PTPRT: variants seen among roughly 807,000 people sequenced by gnomAD.
The protein encoded by PTPRT is protein tyrosine phosphatase receptor type T.
Under a neutral mutation model 176.8 loss-of-function variants are expected in PTPRT, and 56 were observed. The ratio of observed to expected loss-of-function variants is 0.32; its 90% CI spans 0.26 to 0.40. PTPRT has a LOEUF of 0.40. Among genes scored for constraint, PTPRT ranks in the 10% least tolerant of loss-of-function variants. The probability of loss-of-function intolerance (pLI) is 1.00; values close to 1 mark genes in which losing one functional copy is unlikely to be tolerated. For missense variants in PTPRT, 1,540 were observed against 1,908.2 expected (o/e 0.81, Z 3.60); for synonymous variants, 783 against 739.0 (o/e 1.06, Z -0.96).
rs931117275 is a variant in PTPRT at position 42,077,930 on chromosome 20, G to GA, written c.*2948dup. On this transcript the variant is annotated 3_prime_UTR_variant, in exon 31 of 31. Coordinates refer to ENST00000373187, the MANE Select transcript of PTPRT (RefSeq NM_007050.6). ...CAGCTATTTCACCCCTTCCTGAGCA[G>GA]AAAAAAATCTTAGGATTTGTGTTAA... is the stretch of plus-strand genomic sequence containing the variant. 9.9e-6 allele frequency: 2 copies of GA among 201,304 alleles called. No individual in the cohort carries two copies. The highest frequency in any genetic ancestry group is 2.0e-5 in the Non-Finnish European group (2 of 98,010). The allele number at this position is 201,304 out of a possible 1,614,324, so 12.5% of individuals were successfully genotyped here.
intron 12 of PTPRT, among the ~76,000 whole-genome samples, chr20:42,309,194 AT>A (rs2145345281): frequency 6.6e-6 from 1 of 152,312 alleles, no homozygotes; most frequent in East Asian, 1.9e-4. Flanking sequence ...CTTCTGATGG[AT>A]ATTTGCATGA....
intron 2 of PTPRT, among the ~76,000 whole-genome samples, chr20:42,805,240 A>G (rs1457175633): frequency 1.3e-5 from 2 of 152,226 alleles, no homozygotes; most frequent in Non-Finnish European, 2.9e-5. Flanking sequence ...ATTTCCTTAC[A>G]GTCTCATTTG....
At chr20:42,845,063 GC>G (rs1270061222) in intron 2 of PTPRT, among the ~76,000 whole-genome samples, 4 of 152,290 alleles carry the variant, frequency 2.6e-5, no homozygotes, top group Admixed American at 2.6e-4. Context: ...GGATGAAGAT[GC>G]CCCTGTGGGA....
chr20:42,878,299 G>GA (rs1413875190), intron 2 of PTPRT, among the ~76,000 whole-genome samples: 1 of 152,130 alleles, frequency 6.6e-6, no homozygotes. Context: ...AATGACATGG[G>GA]AAAATGCTAA....
intron 18 of PTPRT, among the ~76,000 whole-genome samples, chr20:42,131,373 A>C (rs1185240112): frequency 6.6e-6 from 1 of 152,222 alleles, no homozygotes; most frequent in Non-Finnish European, 1.5e-5. Context: ...TCTCATTATG[A>C]CTTACTGATT....
At chr20:42,382,158 T>C (rs1293729327) in intron 9 of PTPRT, among the ~76,000 whole-genome samples, 1 of 152,224 alleles carries the variant, frequency 6.6e-6, no homozygotes, top group East Asian at 1.9e-4. Flanking sequence ...GGAAAGCTTT[T>C]AATGGGCTGT....
At chr20:42,044,506 G>A in the PTPRT span, among the ~76,000 whole-genome samples, 1 of 152,224 alleles carries the variant, frequency 6.6e-6, no homozygotes, top group Non-Finnish European at 1.5e-5. Flanking sequence ...CCAGTAAAGG[G>A]CAGTTCTTCT....
chr20:42,881,506 A>G (rs2092295599), intron 2 of PTPRT, among the ~76,000 whole-genome samples: 1 of 152,012 alleles, frequency 6.6e-6, no homozygotes, highest in African/African-American at 2.4e-5. Context: ...GGAAGGATCA[A>G]CTGAGGTCAG....
intron 7 of PTPRT, among the ~76,000 whole-genome samples, chr20:42,498,234 C>T (rs1376398349): frequency 6.6e-6 from 1 of 152,150 alleles, no homozygotes; most frequent in Non-Finnish European, 1.5e-5. Flanking sequence ...CCCCAGTCAA[C>T]TGAACAGACT....
chr20:42,526,964 T>A (rs1017907912), intron 7 of PTPRT, among the ~76,000 whole-genome samples: 1 of 128,006 alleles, frequency 7.8e-6, no homozygotes, highest in African/African-American at 3.1e-5. Flanking sequence ...TTCTTTTTTT[T>A]TTTTTTTTTT....
intron 11 of PTPRT, among the ~76,000 whole-genome samples, chr20:42,329,753 C>T (rs1030826928): frequency 2.0e-4 from 30 of 151,690 alleles, no homozygotes; most frequent in African/African-American, 7.3e-4. Context: ...GGAAAATTTC[C>T]CAAATGTCAG....
At chr20:42,257,547 G>C (rs2056663322) in intron 13 of PTPRT, among the ~76,000 whole-genome samples, 1 of 150,676 alleles carries the variant, frequency 6.6e-6, no homozygotes. Context: ...GATCCCTCAT[G>C]AACGGTTTAG....
At chr20:43,096,589 C>A (rs1311961868) in intron 1 of PTPRT, among the ~76,000 whole-genome samples, 1 of 152,232 alleles carries the variant, frequency 6.6e-6, no homozygotes, top group East Asian at 1.9e-4. Context: ...GGCTCCCGCC[C>A]CCCATCCACA....
intron 6 of PTPRT, among the ~76,000 whole-genome samples, chr20:42,691,766 C>T (rs1364136781): frequency 6.6e-6 from 1 of 152,112 alleles, no homozygotes; most frequent in Non-Finnish European, 1.5e-5. Flanking sequence ...GACCTCTGTC[C>T]CTGTCTCCAA....
intron 2 of PTPRT, among the ~76,000 whole-genome samples, chr20:42,857,212 TAA>T (rs913037422): frequency 1.3e-5 from 2 of 152,204 alleles, no homozygotes; most frequent in Non-Finnish European, 2.9e-5. Context: ...TCTTTTTCTC[TAA>T]AGAGTAGGGG....
chr20:42,229,981 T>C (rs903831548), intron 15 of PTPRT, among the ~76,000 whole-genome samples: 2 of 152,176 alleles, frequency 1.3e-5, no homozygotes, highest in Non-Finnish European at 2.9e-5. Context: ...CTGCATGTGT[T>C]AGGAGTTCCA....
intron 6 of PTPRT, among the ~76,000 whole-genome samples, chr20:42,755,820 G>A (rs1850981692): frequency 6.6e-6 from 1 of 152,074 alleles, no homozygotes; most frequent in South Asian, 2.1e-4. Flanking sequence ...AACAAAATAG[G>A]ATAACTCATT....
intron 15 of PTPRT, among the ~76,000 whole-genome samples, chr20:42,233,859 C>T (rs1056467878): frequency 1.3e-5 from 2 of 152,194 alleles, no homozygotes; most frequent in Non-Finnish European, 2.9e-5. Flanking sequence ...TGGCACAGAA[C>T]TTCATGTCTG....
At chr20:42,569,097 T>TATAC (rs1241329713) in intron 7 of PTPRT, among the ~76,000 whole-genome samples, 1 of 103,904 alleles carries the variant, frequency 9.6e-6, no homozygotes, top group Non-Finnish European at 1.9e-5. Context: ...TATATATATA[T>TATAC]ATATATATAT....
Sources: gnomAD v4.1 joint callset for allele counts (sites outside exome capture counted in the v4.1 genomes callset) on GRCh38, gnomAD v4.1.1 for gene constraint, MANE v1.5 for transcripts, NCBI Gene and HGNC (gene_info 2026-07-23, HGNC 2026-07-21) for gene names.